Variants in CRPPA observed in about 807,000 individuals in gnomAD.
The protein encoded by CRPPA is D-ribitol-5-phosphate cytidylyltransferase.
A neutral mutation model predicts 52.0 loss-of-function variants in CRPPA; 43 were observed. The ratio of observed to expected loss-of-function variants is 0.83; its 90% CI spans 0.65 to 1.07. The LOEUF (loss-of-function observed/expected upper bound fraction) is 1.07, where lower values mean the gene tolerates loss of function less well. Among genes scored for constraint, CRPPA ranks in the 50% least tolerant of loss-of-function variants. The pLI is 0.00. For missense variants in CRPPA, 629 were observed against 551.7 expected (o/e 1.14, Z -1.40); for synonymous variants, 250 against 203.5 (o/e 1.23, Z -1.94).
intron 9 of CRPPA, among the ~76,000 whole-genome samples, chr7:16,141,200 A>G (rs1583385197): frequency 6.6e-6 from 1 of 152,138 alleles, no homozygotes. Context: ...TGGCTGCTTT[A>G]TCACTGCAAT....
At chr7:16,372,091 G>A (rs1786764565) in intron 3 of CRPPA, among the ~76,000 whole-genome samples, 2 of 152,154 alleles carry the variant, frequency 1.3e-5, no homozygotes, top group Admixed American at 1.3e-4. Context: ...GTGCCTGAGG[G>A]AGAAATGAAG....
Position 16,406,158 on chromosome 7 carries a change from A to G in CRPPA, c.437T>C (p.Leu146Pro). ...GATAATCACTACTTCTGGCTTAGAG[A>G]GTTTAGAGTTGATCTGATCTTCTGC... ...ALAEDQINSK[L>P]SKPEVVIIHD... The change falls in exon 2 of 10, where the codon CTC becomes CCC. Residue 146 changes from leucine (L) to proline (P), a missense_variant. Leu to Pro is a moderately conservative substitution (Grantham distance 98). Transcript: ENST00000407010. 1 of 1,613,960 alleles carries G rather than the reference A, an allele frequency of 6.2e-7. No individual in the cohort carries two copies. The highest frequency in any genetic ancestry group is 8.5e-7 in the Non-Finnish European group (1 of 1,179,894).
intron 2 of CRPPA, among the ~76,000 whole-genome samples, chr7:16,396,639 C>T (rs981684486): frequency 2.6e-5 from 4 of 152,212 alleles, no homozygotes; most frequent in Admixed American, 2.0e-4. Flanking sequence ...TATGTAGCAG[C>T]ACAACTTGCA....
intron 2 of CRPPA, among the ~76,000 whole-genome samples, chr7:16,404,832 AG>A (rs1011439680): frequency 5.9e-4 from 90 of 152,302 alleles, no homozygotes; most frequent in African/African-American, 2.1e-3. Context: ...GAAGGAGTCA[AG>A]GGGGAAGCAC....
Position 16,169,584 on chromosome 7 carries a change from C to T in CRPPA, c.1251+46482G>A, listed in dbSNP as rs116361421. On this transcript the variant is annotated intron_variant, in intron 9 of 9. Coordinates refer to ENST00000407010, the MANE Select transcript of CRPPA (RefSeq NM_001101426.4). ...GCAGCTTAAGCATGAAATTGTAAGG[C>T]TTTAAATTCAAGAAAAAAATATATG... 6.7e-3 allele frequency among the ~76,000 whole-genome samples: 1,022 copies of T among 152,294 alleles called. 13 individuals carry two copies. The highest frequency in any genetic ancestry group is 0.024 in the African/African-American group (979 of 41,572).
chr7:16,230,573 C>G (rs1356691250), intron 8 of CRPPA, among the ~76,000 whole-genome samples: 1 of 152,070 alleles, frequency 6.6e-6, no homozygotes, highest in African/African-American at 2.4e-5. Context: ...TCTGTATTTT[C>G]TTCAAGTTTG....
At chr7:16,219,975 G>T (rs1782454234) in intron 8 of CRPPA, among the ~76,000 whole-genome samples, 1 of 145,882 alleles carries the variant, frequency 6.9e-6, no homozygotes, top group Admixed American at 6.9e-5. Flanking sequence ...CCAAAGCCGG[G>T]CAGAGACACA....
intron 9 of CRPPA, among the ~76,000 whole-genome samples, chr7:16,155,381 A>C (rs1783158248): frequency 6.6e-6 from 1 of 152,180 alleles, no homozygotes. Context: ...ATTTGCAGTT[A>C]ATTCATGGAC....
chr7:16,111,110 C>T (rs779541804), intron 9 of CRPPA, among the ~76,000 whole-genome samples: 3 of 151,724 alleles, frequency 2.0e-5, no homozygotes, highest in South Asian at 2.1e-4. Flanking sequence ...AAATTAAAAA[C>T]GGCAAGGGAC....
At chr7:16,285,852 T>A (rs1784415176) in intron 5 of CRPPA, among the ~76,000 whole-genome samples, 1 of 150,266 alleles carries the variant, frequency 6.7e-6, no homozygotes, top group African/African-American at 2.5e-5. Context: ...AAACCCCATT[T>A]CCACTAAACA....
intron 9 of CRPPA, among the ~76,000 whole-genome samples, chr7:16,110,375 A>G (rs1782236381): frequency 6.6e-6 from 1 of 152,112 alleles, no homozygotes; most frequent in African/African-American, 2.4e-5. Context: ...ACTTAACACC[A>G]TTCCTAACAA....
intron 9 of CRPPA, among the ~76,000 whole-genome samples, chr7:16,170,145 T>G (rs543977104): frequency 6.6e-6 from 1 of 152,226 alleles, no homozygotes; most frequent in Non-Finnish European, 1.5e-5. Context: ...TGATTTTTTT[T>G]AATTTATAGA....
At chr7:16,308,689 C>T in intron 3 of CRPPA, 62 bp from the exon 4 acceptor site, 1 of 981,768 alleles carries the variant, frequency 1.0e-6, no homozygotes, top group South Asian at 1.4e-5. Flanking sequence ...AAAACCAAGC[C>T]TTTTATTTCA....
In CRPPA at chr7:16,290,132, C is replaced by T. The variant is rs1222816925; in HGVS notation, c.835+11289G>A. Among the ~76,000 whole-genome samples, 6 of 151,850 alleles carry T rather than the reference C, an allele frequency of 4.0e-5. No individual in the cohort carries two copies. In the East Asian group the frequency reaches 1.2e-3, roughly 29 times the overall value. On this transcript the variant is annotated intron_variant, in intron 5 of 9. Coordinates refer to ENST00000407010, the MANE Select transcript of CRPPA (RefSeq NM_001101426.4). ...CCTCTACAACAAAAACTACAAAACGCTAATGAAAGAAACTGAAGAGGACAT... is the reference window on the plus strand; with the variant it reads ...CCTCTACAACAAAAACTACAAAACGTTAATGAAAGAAACTGAAGAGGACAT...
At chr7:16,304,334 C>G (rs1326736539) in intron 4 of CRPPA, among the ~76,000 whole-genome samples, 1 of 151,920 alleles carries the variant, frequency 6.6e-6, no homozygotes, top group Non-Finnish European at 1.5e-5. Context: ...AAAAAAAAAA[C>G]TGATATTATC....
At chr7:16,144,380 T>C (rs184933706) in intron 9 of CRPPA, among the ~76,000 whole-genome samples, 1 of 152,294 alleles carries the variant, frequency 6.6e-6, no homozygotes, top group East Asian at 1.9e-4. Flanking sequence ...TCTAGAGACA[T>C]GCCCAAGGGA....
At chr7:16,339,236 A>G (rs1465863175) in intron 3 of CRPPA, among the ~76,000 whole-genome samples, 1 of 152,162 alleles carries the variant, frequency 6.6e-6, no homozygotes, top group Non-Finnish European at 1.5e-5. Context: ...AAAAAAAGAC[A>G]TTATAAGAAA....
intron 9 of CRPPA, among the ~76,000 whole-genome samples, chr7:16,168,255 G>C (rs1036979773): frequency 1.3e-5 from 2 of 152,068 alleles, no homozygotes; most frequent in African/African-American, 4.8e-5. Context: ...TGCTCACTTT[G>C]ATACCAATAA....
chr7:16,400,281 G>A (rs1330957386), intron 2 of CRPPA, among the ~76,000 whole-genome samples: 2 of 152,166 alleles, frequency 1.3e-5, no homozygotes, highest in African/African-American at 4.8e-5. Flanking sequence ...TTACCTGTGT[G>A]ACATGACCAA....
Sources: allele counts gnomAD v4.1 joint callset (sites outside exome capture counted in the v4.1 genomes callset), GRCh38; gene constraint gnomAD v4.1.1; transcripts MANE v1.5; gene names NCBI Gene and HGNC (gene_info 2026-07-23, HGNC 2026-07-21).